KCNJ5: variants seen among roughly 807,000 people sequenced by gnomAD.
KCNJ5 encodes G protein-activated inward rectifier potassium channel 4.
A neutral mutation model predicts 20.2 loss-of-function variants in KCNJ5; 12 were observed. The ratio of observed to expected loss-of-function variants is 0.59; its 90% confidence interval spans 0.38 to 0.96. KCNJ5 has a LOEUF of 0.96. Ranked by LOEUF, KCNJ5 falls within the 40% of genes least tolerant of loss-of-function variation. KCNJ5 has a pLI of 0.00. For missense variants in KCNJ5, 449 were observed against 557.6 expected (o/e 0.81, Z 1.96); for synonymous variants, 210 against 213.9 (o/e 0.98, Z 0.16).
Position 128,917,080 on chromosome 11 carries a change from G to A in KCNJ5, c.*349G>A. On this transcript the variant is annotated 3_prime_UTR_variant, in exon 3 of 3. Transcript: ENST00000529694. ...GGTCTCACAGACCCCTCCAGGGGCT[G>A]ACACCTAGAGAGAACCATCACCTTG... The A allele has an allele frequency of 5.1e-6, 1 of 197,744 alleles. No homozygotes were observed. Among genetic ancestry groups the A allele is most frequent in the Non-Finnish European group, 9.8e-6 (1 of 101,568 alleles). 12.2% of individuals were successfully genotyped at this position (197,744 alleles called of 1,614,324 possible).
intron 1 of KCNJ5, chr11:128,905,680 CT>C (rs1944396125): frequency 6.7e-6 from 1 of 149,708 alleles, no homozygotes; most frequent in South Asian, 2.1e-4. Flanking sequence ...GCCCTGGGAC[CT>C]GGACCTTAGG....
intron 2 of KCNJ5, among the ~76,000 whole-genome samples, chr11:128,912,536 G>T (rs1337609622): frequency 6.6e-6 from 1 of 152,048 alleles, no homozygotes; most frequent in Non-Finnish European, 1.5e-5. Context: ...TTTGAGGCAG[G>T]GTCTTGCTCT....
At chr11:128,903,228 T>C in intron 1 of KCNJ5, 1 of 1,061,958 alleles carries the variant, frequency 9.4e-7, no homozygotes. Context: ...TAAATGTTTC[T>C]CTACATCAAA....
intron 1 of KCNJ5, among the ~76,000 whole-genome samples, chr11:128,907,624 G>A (rs1944440747): frequency 6.6e-6 from 1 of 152,310 alleles, no homozygotes; most frequent in South Asian, 2.1e-4. Context: ...ACACAGGAGA[G>A]GATGGAAGAA....
At chr11:128,907,812 A>G (rs1457771716) in intron 1 of KCNJ5, among the ~76,000 whole-genome samples, 2 of 152,262 alleles carry the variant, frequency 1.3e-5, no homozygotes, top group African/African-American at 4.8e-5. Context: ...AAATGCTAGA[A>G]TATCAACTAT....
Position 128,911,585 on chromosome 11 carries a change from C to A in KCNJ5, c.312C>A (p.Phe104Leu). ...TTTACACTGTCACCTGGCTGTTCTT[C>A]GGCTTCATTTGGTGGCTCATTGCTT... is the stretch of plus-strand genomic sequence containing the variant. ...TMVYTVTWLF[F>L]GFIWWLIAYI... Residue 104 changes from phenylalanine to leucine, a missense_variant, in exon 2 of 3, where the codon TTC becomes TTA. Phe to Leu is a conservative substitution (Grantham distance 22, BLOSUM62 0). Around this residue, in one of 5 missense-constraint regions of KCNJ5, gnomAD observed 203 missense variants for 258.0 expected, o/e 0.79. Coordinates refer to ENST00000529694, the MANE Select transcript of KCNJ5 (RefSeq NM_000890.5). This position sits in a 1 kb window ranked among gnomAD's most constrained non-coding sequence, Gnocchi z 6.3. 1 of 1,614,192 alleles carries A rather than the reference C, an allele frequency of 6.2e-7. No homozygotes were observed. Among genetic ancestry groups the A allele is most frequent in the Non-Finnish European group, 8.5e-7 (1 of 1,180,036 alleles).
intron 1 of KCNJ5, chr11:128,899,818 A>C (rs2135985430): frequency 6.6e-6 from 1 of 152,310 alleles, no homozygotes; most frequent in Non-Finnish European, 1.5e-5. Context: ...AGGAGGATGC[A>C]TGTGGATTTT....
intron 1 of KCNJ5, among the ~76,000 whole-genome samples, chr11:128,905,154 AAG>A (rs1944378655): frequency 6.6e-6 from 1 of 152,192 alleles, no homozygotes; most frequent in African/African-American, 2.4e-5. Context: ...TTCCTCCAGG[AAG>A]AGAGACCCGC....
intron 1 of KCNJ5, chr11:128,900,657 T>C (rs1944260107): frequency 6.6e-6 from 1 of 152,248 alleles, no homozygotes; most frequent in South Asian, 2.1e-4. Flanking sequence ...TCCCAGTGTT[T>C]GTATTACATA....
rs1222348155 is a variant in KCNJ5 at position 128,911,105 on chromosome 11, A to G, written c.-10-159A>G. 4 of 660,430 alleles carry G rather than the reference A, an allele frequency of 6.1e-6. No homozygotes were observed. The highest frequency in any genetic ancestry group is 1.1e-5 in the Non-Finnish European group (4 of 369,430). The allele number at this position is 660,430 out of a possible 1,614,324, so 40.9% of individuals were successfully genotyped here. A position where few individuals can be genotyped will look rare whatever the true frequency, so the allele number is the denominator to read the frequency against. ...GGCACCAGGGATACAAAAGAACCCT[A>G]TAAGAGAGTGAGGCCCCTGCCCTTG... On this transcript the variant is annotated intron_variant, in intron 1 of 2. Coordinates refer to ENST00000529694, the MANE Select transcript of KCNJ5 (RefSeq NM_000890.5). This position sits in a 1 kb window ranked among gnomAD's most constrained non-coding sequence, Gnocchi z 6.3.
chr11:128,905,845 CT>C lies in KCNJ5; in HGVS notation c.-10-5418del, dbSNP rs1944402173. ...GGCATGCCCTCATCTAGAGCAGCTGCTGCGGAATCCGGGGAGCCTGCAGCAC... is the reference window on the plus strand; with the variant it reads ...GGCATGCCCTCATCTAGAGCAGCTGCGCGGAATCCGGGGAGCCTGCAGCAC... On this transcript the variant is annotated intron_variant, in intron 1 of 2. Transcript: ENST00000529694. 5 of 152,366 alleles carry C rather than the reference CT, an allele frequency of 3.3e-5. No homozygotes were observed. The South Asian group carries it at 1.0e-3, about 32-fold the overall frequency. 9.4% of individuals were successfully genotyped at this position (152,366 alleles called of 1,614,324 possible).
chr11:128,895,382 ACCCC>A (rs59889127), intron 1 of KCNJ5, among the ~76,000 whole-genome samples: 1 of 141,310 alleles, frequency 7.1e-6, no homozygotes, highest in Admixed American at 7.1e-5. Context: ...GTGTGCCCCC[ACCCC>A]CCCCCCAACC....
In KCNJ5 at chr11:128,911,324, C is replaced by T. The variant is rs771842938; in HGVS notation, c.51C>T (p.Val17=). 6.2e-7 allele frequency: 1 copy of T among 1,614,216 alleles called. No homozygotes were observed. The highest frequency in any genetic ancestry group is 8.5e-7 in the Non-Finnish European group (1 of 1,180,048). Reference sequence around the variant, plus strand: ...TGAACCAGGACATGGAGATTGGAGTCACTCCCTGGGACCCCAAGAAGATTC... The same window carrying T: ...TGAACCAGGACATGGAGATTGGAGTTACTCCCTGGGACCCCAAGAAGATTC... The part of the protein sequence containing the change: ...NAMNQDMEIG[V]TPWDPKKIPK... The change falls in exon 2 of 3, where the codon GTC becomes GTT. Residue 17 remains valine (V), a synonymous_variant. Transcript: ENST00000529694. The surrounding 1 kb of genome is among the most constrained non-coding windows in gnomAD (Gnocchi z 6.3).
intron 2 of KCNJ5, among the ~76,000 whole-genome samples, chr11:128,914,352 C>G (rs1315021914): frequency 1.3e-5 from 2 of 152,324 alleles, no homozygotes; most frequent in East Asian, 3.9e-4. Flanking sequence ...CCCCGCTGCA[C>G]CCCCAACCAC....
At chr11:128,900,579 A>G (rs2846698) in intron 1 of KCNJ5, 116,365 of 151,938 alleles carry the variant, frequency 0.77, 44,980 homozygotes, top group African/African-American at 0.87. Flanking sequence ...TGCCCCATTC[A>G]GCACCAGCCA....
intron 2 of KCNJ5, among the ~76,000 whole-genome samples, chr11:128,914,165 G>T (rs1248293245): frequency 5.9e-5 from 9 of 152,194 alleles, no homozygotes; most frequent in African/African-American, 2.2e-4. Flanking sequence ...GACACAGGCT[G>T]CATTTCAGGG....
chr11:128,908,659 G>A lies in KCNJ5; in HGVS notation c.-10-2605G>A, dbSNP rs888349951. Among the ~76,000 whole-genome samples the A allele has an allele frequency of 2.0e-5, 3 of 152,226 alleles. No homozygotes were observed. In the East Asian group the frequency reaches 5.8e-4, roughly 29 times the overall value. On this transcript the variant is annotated intron_variant, in intron 1 of 2. Coordinates refer to ENST00000529694, the MANE Select transcript of KCNJ5 (RefSeq NM_000890.5). ...ATGTTTAAAAATAAAGAAGGAAACA[G>A]TGCAGAAAATCAGCAGCAAGCTGTT...
rs2846697 is a variant in KCNJ5, at chr11:128,917,534, C to T, written c.*803C>T. On this transcript the variant is annotated 3_prime_UTR_variant, in exon 3 of 3. Coordinates refer to ENST00000529694, the MANE Select transcript of KCNJ5 (RefSeq NM_000890.5). ...GGGAACCCCAGCAGCTGGGGCTTTT[C>T]GAGTGCTTTTTGGCCCAAGAATCTC... is the stretch of plus-strand genomic sequence containing the variant. 1 of 152,476 alleles carries T rather than the reference C, an allele frequency of 6.6e-6. No homozygotes were observed. The highest frequency in any genetic ancestry group is 2.4e-5 in the African/African-American group (1 of 41,476). The allele number at this position is 152,476 out of a possible 1,614,324, so 9.4% of individuals were successfully genotyped here. A position where few individuals can be genotyped will look rare whatever the true frequency, so the allele number is the denominator to read the frequency against.
intron 1 of KCNJ5, among the ~76,000 whole-genome samples, chr11:128,903,086 C>A (rs1944319199): frequency 5.3e-5 from 8 of 152,174 alleles, no homozygotes; most frequent in Admixed American, 4.6e-4. Context: ...CGCTTTAGAA[C>A]TGCGTGTGTG....
Sources: allele counts gnomAD v4.1 joint callset (sites outside exome capture counted in the v4.1 genomes callset), GRCh38; gene constraint gnomAD v4.1.1; regional missense constraint gnomAD v4.1.1; non-coding constraint Gnocchi (gnomAD v3.1); transcripts MANE v1.5; gene names NCBI Gene and HGNC (gene_info 2026-07-23, HGNC 2026-07-21).